INTS2: variants seen among roughly 807,000 people sequenced by gnomAD.
INTS2 encodes integrator complex subunit 2.
A neutral mutation model predicts 139.6 loss-of-function variants in INTS2; 57 were observed. The ratio of observed to expected loss-of-function variants is 0.41; its 90% CI spans 0.33 to 0.51. INTS2 has a LOEUF of 0.51. Among genes scored for constraint, INTS2 ranks in the 20% least tolerant of loss-of-function variants. INTS2 has a pLI of 0.28. For synonymous variants in INTS2, 473 were observed against 493.4 expected, an observed-to-expected ratio of 0.96 and a Z score of 0.55; for missense variants, 1,196 against 1,436.7, an observed-to-expected ratio of 0.83 and a Z score of 2.71.
chr17:61,878,052 A>G lies in INTS2; in HGVS notation c.2291T>C (p.Met764Thr), dbSNP rs771226654. 6.2e-7 allele frequency: 1 copy of G among 1,612,868 alleles called. No homozygotes were observed. The highest frequency in any genetic ancestry group is 2.2e-5 in the East Asian group (1 of 44,854). Residue 764 changes from methionine (M) to threonine (T), a missense_variant, in exon 18 of 25, where the codon ATG (methionine) becomes ACG (threonine). Met to Thr is a moderately conservative substitution (Grantham distance 81). Transcript: ENST00000251334. ...SAVPVNNTQV[M>T]QIIEHLTLLS... ...TAGAGTCAAGTGTTCTATAATCTGC[A>G]TCACTTGTGTGTTATTTACTGGGAC... is the stretch of plus-strand genomic sequence containing the variant.
In INTS2 at chr17:61,869,586, C is replaced by A. The variant is rs959330452; in HGVS notation, c.3030+151G>T. ...CATTTCATTAGGTTAAAAAAAAAAA[C>A]AACTAAAAATCTGGATTTTTCTCCA... On this transcript the variant is annotated intron_variant, in intron 21 of 24. Coordinates refer to ENST00000251334, the MANE Select transcript of INTS2 (RefSeq NM_001351695.2). This position sits in a 1 kb window ranked among gnomAD's most constrained non-coding sequence, Gnocchi z 5.4. The A allele has an allele frequency of 5.7e-5, 54 of 953,732 alleles. No homozygotes were observed. Among genetic ancestry groups the A allele is most frequent in the Middle Eastern group, 3.0e-4 (1 of 3,354 alleles). 59.1% of individuals were successfully genotyped at this position (953,732 alleles called of 1,614,324 possible).
At chr17:61,894,951 G>C (rs1603377534) in intron 12 of INTS2, among the ~76,000 whole-genome samples, 1 of 152,232 alleles carries the variant, frequency 6.6e-6, no homozygotes, top group Non-Finnish European at 1.5e-5. Context: ...CTGTAATCTA[G>C]TTAGAAATGA....
rs2079084598 is a variant in INTS2, at chr17:61,871,066, A to C, written c.2779-1078T>G. Reference sequence around the variant, plus strand: ...ACAGATGTTAGCTTTTATGATCTTCAATCCCTTATCTGAAACTCCTAGGAA... The same window carrying C: ...ACAGATGTTAGCTTTTATGATCTTCCATCCCTTATCTGAAACTCCTAGGAA... On this transcript the variant is annotated intron_variant, in intron 20 of 24. Transcript: ENST00000251334. This position sits in a 1 kb window ranked among gnomAD's most constrained non-coding sequence, Gnocchi z 4.9. 6.6e-6 allele frequency among the ~76,000 whole-genome samples: 1 copy of C among 152,154 alleles called. No individual in the cohort carries two copies. Among genetic ancestry groups the C allele is most frequent in the African/African-American group, 2.4e-5 (1 of 41,432 alleles).
At chr17:61,892,633 CA>C (rs1377198709) in intron 13 of INTS2, among the ~76,000 whole-genome samples, 1 of 151,234 alleles carries the variant, frequency 6.6e-6, no homozygotes, top group African/African-American at 2.4e-5. Flanking sequence ...CCTGTCTCTA[CA>C]AAAAAACACT....
At chr17:61,912,556 AGGTT>A (rs2079538433) in intron 5 of INTS2, among the ~76,000 whole-genome samples, 1 of 151,954 alleles carries the variant, frequency 6.6e-6, no homozygotes, top group African/African-American at 2.4e-5. Context: ...TGGGAGGTGG[AGGTT>A]GCAGTGAGCC....
At chr17:61,918,684 C>A (rs971662507) in intron 5 of INTS2, among the ~76,000 whole-genome samples, 1 of 152,148 alleles carries the variant, frequency 6.6e-6, no homozygotes, top group African/African-American at 2.4e-5. Context: ...ATCACTCATA[C>A]CCAAACAACA....
At chr17:61,918,794 T>TA (rs1302462380) in intron 5 of INTS2, among the ~76,000 whole-genome samples, 1 of 152,172 alleles carries the variant, frequency 6.6e-6, no homozygotes, top group African/African-American at 2.4e-5. Context: ...GCAGTAGGGC[T>TA]AAAAAACAAA....
intron 13 of INTS2, 139 bp from the exon 14 acceptor site, chr17:61,891,828 A>T: frequency 1.7e-6 from 1 of 603,692 alleles, no homozygotes; most frequent in Non-Finnish European, 2.8e-6. Context: ...CAAATATATT[A>T]TCTAGTATCA....
At chr17:61,914,428 A>ATG (rs2079556717) in intron 5 of INTS2, among the ~76,000 whole-genome samples, 1 of 152,076 alleles carries the variant, frequency 6.6e-6, no homozygotes, top group South Asian at 2.1e-4. Flanking sequence ...CGCCAGGTGC[A>ATG]GTGGCTCACG....
chr17:61,893,549 G>T lies in INTS2; in HGVS notation c.1698+216C>A, dbSNP rs2079317343. On this transcript the variant is annotated intron_variant, in intron 13 of 24. Coordinates refer to ENST00000251334, the MANE Select transcript of INTS2 (RefSeq NM_001351695.2). This position sits in a 1 kb window ranked among gnomAD's most constrained non-coding sequence, Gnocchi z 5.4. ...GTCTCTACTAAAAATACAAAAATTA[G>T]CCGGGCATGGTGGCACACACCTGTA... Among the ~76,000 whole-genome samples the T allele has an allele frequency of 6.6e-6, 1 of 151,998 alleles. No individual in the cohort carries two copies. Among genetic ancestry groups the T allele is most frequent in the African/African-American group, 2.4e-5 (1 of 41,382 alleles).
intron 5 of INTS2, among the ~76,000 whole-genome samples, chr17:61,913,678 A>G (rs1274315908): frequency 2.0e-5 from 3 of 152,164 alleles, no homozygotes; most frequent in Non-Finnish European, 2.9e-5. Context: ...CTTTGAAAAT[A>G]TATTTTTCCA....
Position 61,919,475 on chromosome 17 carries a change from C to T in INTS2, c.574G>A (p.Ala192Thr). The T allele has an allele frequency of 1.3e-6, 2 of 1,599,614 alleles. No homozygotes were observed. Among genetic ancestry groups the T allele is most frequent in the Non-Finnish European group, 1.7e-6 (2 of 1,172,134 alleles). ...SLLPIVDVAE[A>T]LLHVRNGAWF... ...GCACCATTTCTAACATGTAGCAAAGCTTCAGCTACATCAACTATAGGGAGC... is the reference window on the plus strand; with the variant it reads ...GCACCATTTCTAACATGTAGCAAAGTTTCAGCTACATCAACTATAGGGAGC... Residue 192 changes from alanine to threonine, a missense_variant, in exon 5 of 25, where the codon GCT (alanine) becomes ACT (threonine). This residue lies in a region of INTS2 where 1,129 missense variants were observed against 1,341.9 expected (regional missense o/e 0.84). Transcript: ENST00000251334.
intron 13 of INTS2, among the ~76,000 whole-genome samples, chr17:61,892,953 C>CA (rs58426330): frequency 0.053 from 2,320 of 43,934 alleles, 94 homozygotes; most frequent in Non-Finnish European, 0.066. Flanking sequence ...GACTCCATCT[C>CA]AAAAAAAAAA....
At chr17:61,926,797 A>G in intron 1 of INTS2, 135 bp from the exon 2 acceptor site, 1 of 727,106 alleles carries the variant, frequency 1.4e-6, no homozygotes, top group South Asian at 1.5e-5. Flanking sequence ...CACAATCAAG[A>G]CAAGGCTTCT....
At chr17:61,900,421 G>C (rs1002857383) in intron 9 of INTS2, among the ~76,000 whole-genome samples, 2 of 152,114 alleles carry the variant, frequency 1.3e-5, no homozygotes, top group Admixed American at 1.3e-4. Context: ...CTGAATTAAG[G>C]GACAACCAGG....
chr17:61,870,736 G>A lies in INTS2; in HGVS notation c.2779-748C>T, dbSNP rs2079082056. On this transcript the variant is annotated intron_variant, in intron 20 of 24. Coordinates refer to ENST00000251334, the MANE Select transcript of INTS2 (RefSeq NM_001351695.2). This position sits in a 1 kb window ranked among gnomAD's most constrained non-coding sequence, Gnocchi z 4.4. ...TAAGTGATTAAGAACTTATTATAAA[G>A]TGAGGTTAGACTACTTTATAATCAT... Among the ~76,000 whole-genome samples, 1 of 152,168 alleles carries A rather than the reference G, an allele frequency of 6.6e-6. No homozygotes were observed. Among genetic ancestry groups the A allele is most frequent in the Non-Finnish European group, 1.5e-5 (1 of 68,038 alleles).
intron 4 of INTS2, 23 bp downstream of exon 4, chr17:61,921,702 C>A: frequency 2.6e-6 from 3 of 1,166,930 alleles, no homozygotes; most frequent in Non-Finnish European, 3.6e-6. Context: ...ATATGAAATC[C>A]ATCTTAGCAC....
chr17:61,895,613 G>A (rs182471231), intron 11 of INTS2, among the ~76,000 whole-genome samples: 1 of 152,228 alleles, frequency 6.6e-6, no homozygotes, highest in East Asian at 1.9e-4. Context: ...TCAGTCGGTT[G>A]GGGGAAACAG....
chr17:61,926,322 A>G (rs1394144715), intron 2 of INTS2, 30 bp downstream of exon 2: 1 of 1,510,030 alleles, frequency 6.6e-7, no homozygotes, highest in Non-Finnish European at 8.9e-7. Context: ...TGTCAAATCC[A>G]AATCCACATA....
Sources: allele counts gnomAD v4.1 joint callset (sites outside exome capture counted in the v4.1 genomes callset), GRCh38; gene constraint gnomAD v4.1.1; regional missense constraint gnomAD v4.1.1; non-coding constraint Gnocchi (gnomAD v3.1); transcripts MANE v1.5; gene names NCBI Gene and HGNC (gene_info 2026-07-23, HGNC 2026-07-21).